UBAP2: variants seen among roughly 807,000 people sequenced by gnomAD.
UBAP2 encodes ubiquitin-associated protein 2.
A neutral mutation model predicts 139.6 loss-of-function variants in UBAP2; 75 were observed. The observed-to-expected ratio is 0.54, with a 90% CI of 0.45 to 0.65. The LOEUF (loss-of-function observed/expected upper bound fraction) is 0.65, where lower values mean the gene tolerates loss of function less well. Among genes scored for constraint, UBAP2 ranks in the 30% least tolerant of loss-of-function variants. UBAP2 has a pLI of 0.00. For synonymous variants in UBAP2, 526 were observed against 526.2 expected, an observed-to-expected ratio of 1.00 and a Z score of 0.01; for missense variants, 1,368 against 1,369.6, an observed-to-expected ratio of 1.00 and a Z score of 0.02.
chr9:33,974,540 G>C (rs1001973282), intron 6 of UBAP2, among the ~76,000 whole-genome samples: 1 of 152,108 alleles, frequency 6.6e-6, no homozygotes, highest in Non-Finnish European at 1.5e-5. Flanking sequence ...GGTACCAACA[G>C]AGTAAAAAGG....
At chr9:33,975,157 C>A (rs780207289) in intron 6 of UBAP2, among the ~76,000 whole-genome samples, 10 of 152,036 alleles carry the variant, frequency 6.6e-5, no homozygotes, top group African/African-American at 2.4e-4. Flanking sequence ...GGCGGCCGGG[C>A]GTGGTGGCTC....
At chr9:33,963,128 A>G (rs1279802105) in intron 9 of UBAP2, among the ~76,000 whole-genome samples, 1 of 152,208 alleles carries the variant, frequency 6.6e-6, no homozygotes, top group Non-Finnish European at 1.5e-5. Context: ...ACAAGGCACT[A>G]TGTATGTAGC....
At chr9:33,962,500 G>T (rs1827125611) in intron 9 of UBAP2, among the ~76,000 whole-genome samples, 3 of 151,888 alleles carry the variant, frequency 2.0e-5, no homozygotes, top group African/African-American at 7.3e-5. Flanking sequence ...ACAAAAATTA[G>T]CCAGGCGTGG....
rs1465825447 is a variant in UBAP2, at chr9:33,971,704, CCA to C, written c.624_625del (p.Cys208TrpfsTer16). On this transcript the variant is annotated frameshift_variant, in exon 8 of 29. Coordinates refer to ENST00000379238, the MANE Select transcript of UBAP2 (RefSeq NM_001370062.2). LOFTEE classifies it high-confidence loss of function. ...AGCTTCCCAAACTACTAGCTTTGTC[CCA>C]CACACATCTGTAGATGTAGAATCTG... The C allele has an allele frequency of 6.2e-7, 1 of 1,612,814 alleles. No homozygotes were observed. Among genetic ancestry groups the C allele is most frequent in the African/African-American group, 1.3e-5 (1 of 74,904 alleles).
chr9:33,989,162 CAA>C, intron 4 of UBAP2, 36 bp from the exon 5 acceptor site: 1 of 1,555,924 alleles, frequency 6.4e-7, no homozygotes, highest in Non-Finnish European at 8.7e-7. Flanking sequence ...ATTTATCATT[CAA>C]AGTGTGTACA....
intron 2 of UBAP2, among the ~76,000 whole-genome samples, chr9:34,015,412 G>A (rs758122415): frequency 1.3e-5 from 2 of 152,110 alleles, no homozygotes; most frequent in East Asian, 3.9e-4. Context: ...TCTGCCTCCC[G>A]GGTTCAAGCA....
At position 33,960,855 on chromosome 9, in the gene UBAP2, C is replaced by A; in HGVS notation, c.769G>T (p.Glu257Ter). Residue 257 changes from glutamate (E) to a stop codon, truncating the protein, a stop_gained, in exon 10 of 29, where the codon GAG (glutamate) becomes TAG (stop). Transcript: ENST00000379238. LOFTEE classifies it high-confidence loss of function. ...LKGAWKNSVEEWTTEDWTEDL... is the reference protein window; with the variant it reads ...LKGAWKNSVE ...TCAGTCCAGTCTTCTGTTGTCCACT[C>A]TTCCACAGAATTCTTCCAAGCCCCT... The A allele has an allele frequency of 6.2e-7, 1 of 1,613,916 alleles. No homozygotes were observed. Among genetic ancestry groups the A allele is most frequent in the Non-Finnish European group, 8.5e-7 (1 of 1,179,996 alleles).
intron 6 of UBAP2, among the ~76,000 whole-genome samples, chr9:33,974,471 TACTCTA>T (rs1828144476): frequency 2.0e-5 from 3 of 152,126 alleles, no homozygotes; most frequent in Non-Finnish European, 4.4e-5. Context: ...TGCACCACTG[TACTCTA>T]GTCAGTGTGA....
chr9:34,032,714 C>T (rs975371277), intron 1 of UBAP2, among the ~76,000 whole-genome samples: 7 of 151,840 alleles, frequency 4.6e-5, no homozygotes, highest in Non-Finnish European at 1.0e-4. Context: ...ACTTGAGGTC[C>T]GGAGTTTGAG....
chr9:33,925,258 T>C (rs867135537), intron 22 of UBAP2, among the ~76,000 whole-genome samples: 2 of 151,894 alleles, frequency 1.3e-5, no homozygotes, highest in South Asian at 2.1e-4. Flanking sequence ...CGGAAACCCA[T>C]AGCAGCCTAG....
chr9:33,995,981 A>T, intron 4 of UBAP2: 1 of 358,910 alleles, frequency 2.8e-6, no homozygotes, highest in Non-Finnish European at 5.0e-6. Context: ...AGATTTTTGG[A>T]AACTGTAAGG....
chr9:33,940,236 A>G (rs1825087369), intron 16 of UBAP2, among the ~76,000 whole-genome samples: 1 of 152,102 alleles, frequency 6.6e-6, no homozygotes, highest in Non-Finnish European at 1.5e-5. Context: ...AACTGGAAGC[A>G]TATCTATACT....
At chr9:34,029,221 C>T (rs543902278) in intron 1 of UBAP2, among the ~76,000 whole-genome samples, 22 of 152,266 alleles carry the variant, frequency 1.4e-4, no homozygotes, top group African/African-American at 4.8e-4. Flanking sequence ...ACTGAAAACA[C>T]GTTCACCTAA....
At chr9:33,993,164 A>G (rs1259959784) in intron 4 of UBAP2, among the ~76,000 whole-genome samples, 1 of 152,212 alleles carries the variant, frequency 6.6e-6, no homozygotes, top group Admixed American at 6.5e-5. Flanking sequence ...ATTTATCCTT[A>G]AAAACATCAT....
intron 1 of UBAP2, among the ~76,000 whole-genome samples, chr9:34,025,152 C>T (rs1035613611): frequency 6.6e-5 from 10 of 152,252 alleles, no homozygotes; most frequent in African/African-American, 2.4e-4. Context: ...AACTAACATA[C>T]TGTTAGGAGG....
chr9:33,960,500 G>A (rs1587567436), intron 10 of UBAP2, among the ~76,000 whole-genome samples: 1 of 152,104 alleles, frequency 6.6e-6, no homozygotes, highest in East Asian at 1.9e-4. Flanking sequence ...TATCGGCCAG[G>A]CGCAGTGTCT....
intron 13 of UBAP2, among the ~76,000 whole-genome samples, chr9:33,945,069 G>A (rs981427790): frequency 6.6e-6 from 1 of 151,686 alleles, no homozygotes; most frequent in Admixed American, 6.6e-5. Context: ...GTACAAGGCT[G>A]CAGTGAGCTA....
At chr9:33,973,050 T>C (rs1041392383) in intron 7 of UBAP2, 133 bp downstream of exon 7, 5 of 785,048 alleles carry the variant, frequency 6.4e-6, no homozygotes, top group South Asian at 1.7e-5. Flanking sequence ...TTTTTCTTAT[T>C]TGTAAATCTC....
At chr9:33,930,918 A>G (rs1019961571) in intron 19 of UBAP2, among the ~76,000 whole-genome samples, 3 of 145,576 alleles carry the variant, frequency 2.1e-5, no homozygotes, top group African/African-American at 7.6e-5. Context: ...AAAAAAAAAA[A>G]GCGGATGATA....
Sources: gnomAD v4.1 joint callset for allele counts (sites outside exome capture counted in the v4.1 genomes callset) on GRCh38, gnomAD v4.1.1 for gene constraint, MANE v1.5 for transcripts, NCBI Gene and HGNC (gene_info 2026-07-23, HGNC 2026-07-21) for gene names.